The following ZNF679 variants were observed in gnomAD, a reference collection of about 807,000 sequenced individuals.
The protein encoded by ZNF679 is hypothetical protein MGC42415.
In ZNF679, 10 loss-of-function variants were observed where a neutral mutation model predicts 13.4. That is an observed-to-expected ratio of 0.75 (90% CI 0.46 to 1.27). The LOEUF is 1.27. Ranked by LOEUF, ZNF679 falls within the 50% of genes most tolerant of loss-of-function variation. The pLI, the probability that ZNF679 is intolerant of heterozygous loss-of-function variation, is 0.00. For synonymous variants in ZNF679, 179 were observed against 162.5 expected, an observed-to-expected ratio of 1.10 and a Z score of -0.77; for missense variants, 525 against 477.8, an observed-to-expected ratio of 1.10 and a Z score of -0.92.
chr7:64,260,488 C>A, intron 3 of ZNF679, 141 bp downstream of exon 3: 1 of 1,324,226 alleles, frequency 7.6e-7, no homozygotes, highest in Non-Finnish European at 1.0e-6. Flanking sequence ...TGGTGTAGAA[C>A]AAATTCTTCA....
chr7:64,258,557 C>T (rs62461249), intron 2 of ZNF679, among the ~76,000 whole-genome samples: 46,181 of 151,670 alleles, frequency 0.3, 8,246 homozygotes, highest in East Asian at 0.65. Context: ...AAAAATCAGC[C>T]GGGCGTGGTG....
intron 2 of ZNF679, among the ~76,000 whole-genome samples, chr7:64,255,012 A>AAG (rs1554372334): frequency 2.0e-5 from 3 of 150,536 alleles, no homozygotes; most frequent in South Asian, 2.1e-4. Context: ...AAAAAAAAAA[A>AAG]AAAAAGAAAA....
At chr7:64,233,735 G>A (rs117455734) in intron 1 of ZNF679, among the ~76,000 whole-genome samples, 2,072 of 152,180 alleles carry the variant, frequency 0.014, 27 homozygotes, top group Admixed American at 0.018. Flanking sequence ...TTGGGAGTAG[G>A]GTGGTCTTGA....
chr7:64,244,755 C>A (rs1032533317), intron 1 of ZNF679, among the ~76,000 whole-genome samples: 2 of 152,146 alleles, frequency 1.3e-5, no homozygotes, highest in Non-Finnish European at 2.9e-5. Context: ...ACAGCAAAGC[C>A]CAGCTACTGA....
intron 1 of ZNF679, among the ~76,000 whole-genome samples, chr7:64,246,142 C>T (rs1167564470): frequency 3.3e-5 from 5 of 152,190 alleles, no homozygotes; most frequent in Non-Finnish European, 1.5e-5. Flanking sequence ...TTCTAAGTTG[C>T]ACCTCAAACA....
At chr7:64,257,544 A>G (rs1225509069) in intron 2 of ZNF679, among the ~76,000 whole-genome samples, 2 of 152,224 alleles carry the variant, frequency 1.3e-5, no homozygotes, top group Non-Finnish European at 2.9e-5. Context: ...TATGAAAATT[A>G]AATCACATTA....
intron 3 of ZNF679, 45 bp downstream of exon 3, chr7:64,260,392 C>T: frequency 1.3e-6 from 2 of 1,554,448 alleles, no homozygotes; most frequent in Non-Finnish European, 8.6e-7. Flanking sequence ...TTTCTTTTCT[C>T]TCTTTTCTAA....
Position 64,266,327 on chromosome 7 carries a change from A to G in ZNF679, c.694A>G (p.Arg232Gly), listed in dbSNP as rs145983333. Residue 232 changes from arginine to glycine, a missense_variant, in exon 5 of 5, where the codon AGA becomes GGA. Arg to Gly is a moderately radical substitution (Grantham distance 125). Coordinates refer to ENST00000421025, the MANE Select transcript of ZNF679 (RefSeq NM_153363.3). ...NCSSTLSKHK[R>G]IHTGEKPYRC... The stretch of plus-strand genomic sequence containing the variant: ...CTCTTCAACCCTTTCTAAACATAAA[A>G]GAATTCATACTGGAGAGAAACCCTA... 5.8e-4 allele frequency: 939 copies of G among 1,613,130 alleles called. 3 individuals are homozygous for G. Among genetic ancestry groups the G allele is most frequent in the Non-Finnish European group, 7.2e-4 (850 of 1,179,574 alleles).
At chr7:64,263,508 T>C (rs1788104850) in intron 4 of ZNF679, among the ~76,000 whole-genome samples, 2 of 152,212 alleles carry the variant, frequency 1.3e-5, no homozygotes, top group African/African-American at 4.8e-5. Flanking sequence ...AAATCTCATG[T>C]TGAAATGTAA....
At chr7:64,240,133 T>C (rs1031348393) in intron 1 of ZNF679, among the ~76,000 whole-genome samples, 2 of 152,214 alleles carry the variant, frequency 1.3e-5, no homozygotes, top group African/African-American at 4.8e-5. Context: ...GCCAAGCAGC[T>C]AGGTGATATG....
At chr7:64,236,905 AAAAAGAAAG>A (rs1176886563) in intron 1 of ZNF679, among the ~76,000 whole-genome samples, 13 of 145,728 alleles carry the variant, frequency 8.9e-5, no homozygotes, top group African/African-American at 2.7e-4. Flanking sequence ...AGAAAAAGAA[AAAAAGAAAG>A]AAAGAAAGAA....
chr7:64,266,428 A>G lies in ZNF679; in HGVS notation c.795A>G (p.Glu265=), dbSNP rs552560277. Residue 265 remains glutamate (E), a synonymous_variant, in exon 5 of 5, where the codon GAA becomes GAG. Coordinates refer to ENST00000421025, the MANE Select transcript of ZNF679 (RefSeq NM_153363.3). Reference sequence around the variant, plus strand: ...AACATAGGAGAATTCATACTGGAGAAAAACCCTACACATGTGAAGAATGTG... The same window carrying G: ...AACATAGGAGAATTCATACTGGAGAGAAACCCTACACATGTGAAGAATGTG... ...LTKHRRIHTG[E]KPYTCEECGQ... 2.2e-5 allele frequency: 36 copies of G among 1,611,050 alleles called. No homozygotes were observed. In the African/African-American group the frequency reaches 4.2e-4, roughly 19 times the overall value.
intron 1 of ZNF679, among the ~76,000 whole-genome samples, chr7:64,229,253 G>A (rs1036471920): frequency 2.0e-5 from 3 of 152,060 alleles, no homozygotes; most frequent in Non-Finnish European, 2.9e-5. Flanking sequence ...CAGTATAATA[G>A]GGCATTATAC....
chr7:64,248,955 A>C (rs1787905081), intron 1 of ZNF679, 73 bp from the exon 2 acceptor site: 2 of 1,026,712 alleles, frequency 1.9e-6, no homozygotes, highest in Non-Finnish European at 2.9e-6. Context: ...GAAACTGTAC[A>C]ATCAGGCATG....
rs761396108 is a variant in ZNF679, at chr7:64,266,202, G to A, written c.569G>A (p.Gly190Asp). The change falls in exon 5 of 5, where the codon GGC becomes GAC. Residue 190 changes from glycine to aspartate, a missense_variant. Coordinates refer to ENST00000421025, the MANE Select transcript of ZNF679 (RefSeq NM_153363.3). ...AAACATTTCAAATGTAAAAAATATG[G>A]CAAATCATTTTGCATGGTTTCACAA... ...GKKHFKCKKY[G>D]KSFCMVSQLH... The A allele has an allele frequency of 6.3e-7, 1 of 1,584,066 alleles. No homozygotes were observed. Among genetic ancestry groups the A allele is most frequent in the East Asian group, 2.3e-5 (1 of 43,324 alleles).
chr7:64,244,022 C>T (rs564237084), intron 1 of ZNF679, among the ~76,000 whole-genome samples: 9 of 152,048 alleles, frequency 5.9e-5, no homozygotes, highest in African/African-American at 9.7e-5. Context: ...CAGTCTGAGG[C>T]GGGCAGATCA....
rs769740849 is a variant in ZNF679, at chr7:64,260,949, G to A, written c.262+20G>A. The A allele has an allele frequency of 1.9e-6, 3 of 1,605,764 alleles. No individual in the cohort carries two copies. ...ACCCAGGTAAGTGAGAGTGGATGAA[G>A]CGGATGACACAGATGAGAGGTGCAA... is the stretch of plus-strand genomic sequence containing the variant. On this transcript the variant is annotated intron_variant, in intron 4 of 4. Coordinates refer to ENST00000421025, the MANE Select transcript of ZNF679 (RefSeq NM_153363.3).
intron 1 of ZNF679, among the ~76,000 whole-genome samples, chr7:64,234,127 C>T (rs1787677542): frequency 6.6e-6 from 1 of 152,134 alleles, no homozygotes; most frequent in Admixed American, 6.5e-5. Context: ...GCCGTGAGAC[C>T]TAACAGGGAC....
chr7:64,241,564 G>A (rs990274761), intron 1 of ZNF679, among the ~76,000 whole-genome samples: 1 of 152,210 alleles, frequency 6.6e-6, no homozygotes, highest in South Asian at 2.1e-4. Context: ...TGCCTCTTGC[G>A]GGCAGGGTTC....
Sources: gnomAD v4.1 joint callset for allele counts (sites outside exome capture counted in the v4.1 genomes callset) on GRCh38, gnomAD v4.1.1 for gene constraint, MANE v1.5 for transcripts, NCBI Gene and HGNC (gene_info 2026-07-23, HGNC 2026-07-21) for gene names.